DDX19A: variants seen among roughly 807,000 people sequenced by gnomAD.
DDX19A encodes ATP-dependent RNA helicase DDX19A.
Under a neutral mutation model 60.6 loss-of-function variants are expected in DDX19A, and 12 were observed. The observed-to-expected ratio is 0.20, with a 90% CI of 0.13 to 0.32. DDX19A has a LOEUF of 0.32. Ranked by LOEUF, DDX19A falls within the 10% of genes least tolerant of loss-of-function variation. The probability of loss-of-function intolerance (pLI) is 1.00; values close to 1 mark genes in which losing one functional copy is unlikely to be tolerated. For missense variants in DDX19A, 337 were observed against 600.6 expected (o/e 0.56, Z 4.59); for synonymous variants, 206 against 218.2 (o/e 0.94, Z 0.49).
chr16:70,360,458 C>T (rs1418372474), intron 4 of DDX19A, among the ~76,000 whole-genome samples: 1 of 151,814 alleles, frequency 6.6e-6, no homozygotes, highest in African/African-American at 2.4e-5. Flanking sequence ...GTAGCTAGGA[C>T]TACAGGTGCA....
chr16:70,370,949 C>T (rs113376908), intron 10 of DDX19A: 15 of 260,662 alleles, frequency 5.8e-5, no homozygotes, highest in African/African-American at 2.5e-4. Flanking sequence ...TGAGTGAGAT[C>T]GCGCCATTGC....
intron 9 of DDX19A, among the ~76,000 whole-genome samples, chr16:70,369,467 C>T (rs761575764): frequency 7.2e-5 from 11 of 151,978 alleles, no homozygotes; most frequent in South Asian, 2.1e-4. Flanking sequence ...CATGAGCCAC[C>T]GCGCCTGGCC....
chr16:70,357,611 C>G (rs545488350), intron 4 of DDX19A, among the ~76,000 whole-genome samples: 3 of 151,800 alleles, frequency 2.0e-5, no homozygotes, highest in Admixed American at 2.0e-4. Flanking sequence ...GTCTCGAATT[C>G]CTGATCTCAT....
At chr16:70,348,911 A>C (rs1963932488) in intron 1 of DDX19A, among the ~76,000 whole-genome samples, 1 of 152,082 alleles carries the variant, frequency 6.6e-6, no homozygotes, top group Non-Finnish European at 1.5e-5. Context: ...ACACCACTGC[A>C]CTCCAGCATG....
intron 2 of DDX19A, among the ~76,000 whole-genome samples, chr16:70,352,133 A>G (rs1411432668): frequency 6.6e-6 from 1 of 152,100 alleles, no homozygotes; most frequent in East Asian, 1.9e-4. Context: ...TATTCTTCCA[A>G]AGACTTTATG....
chr16:70,349,851 C>T (rs1963959961), intron 1 of DDX19A, among the ~76,000 whole-genome samples: 1 of 152,174 alleles, frequency 6.6e-6, no homozygotes, highest in African/African-American at 2.4e-5. Flanking sequence ...AAGCATCCAG[C>T]TTATCAGAAG....
chr16:70,356,087 A>C, intron 3 of DDX19A, 25 bp from the exon 4 acceptor site: 1 of 1,612,756 alleles, frequency 6.2e-7, no homozygotes, highest in Non-Finnish European at 8.5e-7. Context: ...ATGAGTATGA[A>C]GATCTACTGG....
In DDX19A at chr16:70,369,173, GTTTTTTT is replaced by G. The variant is rs560443179; in HGVS notation, c.1021-1031_1021-1025del. ...TGAACCACCGTGCCCGGCCAATCTG[GTTTTTTT>G]TTTTTTTTTTTTTTTTTTGAAACGG... is the stretch of plus-strand genomic sequence containing the variant. On this transcript the variant is annotated intron_variant, in intron 9 of 11. Transcript: ENST00000302243. 8.0e-3 allele frequency among the ~76,000 whole-genome samples: 769 copies of G among 96,316 alleles called. 3 individuals carry two copies. The highest frequency in any genetic ancestry group is 0.012 in the Non-Finnish European group (603 of 50,696). The allele number at this position is 96,316 out of a possible 152,430, so 63.2% of individuals were successfully genotyped here.
intron 10 of DDX19A, chr16:70,370,742 T>G: frequency 5.0e-6 from 1 of 201,082 alleles, no homozygotes; most frequent in Non-Finnish European, 1.0e-5. Context: ...ACGCCTGTAA[T>G]CCCAGCACTT....
In DDX19A at chr16:70,346,910, C is replaced by T; in HGVS notation, c.-82C>T. The T allele has an allele frequency of 7.0e-7, 1 of 1,421,156 alleles. No individual in the cohort carries two copies. The highest frequency in any genetic ancestry group is 9.7e-7 in the Non-Finnish European group (1 of 1,032,926). The allele number at this position is 1,421,156 out of a possible 1,614,324, so 88.0% of individuals were successfully genotyped here. A position where few individuals can be genotyped will look rare whatever the true frequency, so the allele number is the denominator to read the frequency against. ...TTCCGGTCCGCGTGAGGTGCATTCT[C>T]GCGCCGGTGGCGAGGTTAGGGCCCG... On this transcript the variant is annotated 5_prime_UTR_variant, in exon 1 of 12. Transcript: ENST00000302243.
chr16:70,348,487 G>T (rs1415183626), intron 1 of DDX19A, among the ~76,000 whole-genome samples: 1 of 151,930 alleles, frequency 6.6e-6, no homozygotes, highest in African/African-American at 2.4e-5. Flanking sequence ...TTAGCCAGGC[G>T]TGGTAGTCGT....
At chr16:70,352,421 A>T (rs545713753) in intron 2 of DDX19A, among the ~76,000 whole-genome samples, 27 of 150,574 alleles carry the variant, frequency 1.8e-4, no homozygotes, top group Admixed American at 1.7e-3. Context: ...AATAGCTGGG[A>T]TTACAGGTGT....
chr16:70,370,058 G>A (rs749800407), intron 9 of DDX19A, among the ~76,000 whole-genome samples, 165 bp from the exon 10 acceptor site: 16 of 152,126 alleles, frequency 1.1e-4, no homozygotes, highest in Non-Finnish European at 2.1e-4. Context: ...TCAGCTGAGC[G>A]TGGTGCCTCA....
chr16:70,364,724 G>C, intron 6 of DDX19A, 79 bp downstream of exon 6: 1 of 1,092,804 alleles, frequency 9.2e-7, no homozygotes, highest in East Asian at 2.4e-5. Context: ...GTAACGAGAG[G>C]TCTGAAGCTT....
rs544674751 is a variant in DDX19A, at chr16:70,351,580, A to G, written c.106+975A>G. Among the ~76,000 whole-genome samples the G allele has an allele frequency of 9.5e-4, 145 of 151,852 alleles. 3 individuals are homozygous for G. In the South Asian group the frequency reaches 0.029, roughly 30 times the overall value. On this transcript the variant is annotated intron_variant, in intron 2 of 11. Transcript: ENST00000302243. ...CACTCTGCCACGCAGGCCGGAGTGC[A>G]GTGGTGTGATCTCGGCTTACTGCAA...
chr16:70,358,642 G>A (rs71401805), intron 4 of DDX19A, among the ~76,000 whole-genome samples: 8 of 152,026 alleles, frequency 5.3e-5, no homozygotes, highest in Non-Finnish European at 8.8e-5. Flanking sequence ...TCAGGAGTTC[G>A]AGACCAGACT....
chr16:70,361,538 C>T (rs573206307), intron 5 of DDX19A, 28 bp downstream of exon 5: 2 of 1,561,622 alleles, frequency 1.3e-6, no homozygotes, highest in Non-Finnish European at 1.8e-6. Context: ...GCGCATCTCA[C>T]CCAGTGTGAT....
At position 70,369,764 on chromosome 16, in the gene DDX19A, C is replaced by G. The variant is rs373566460; in HGVS notation, c.1021-459C>G. Among the ~76,000 whole-genome samples, 208 of 151,710 alleles carry G rather than the reference C, an allele frequency of 1.4e-3. 2 individuals are homozygous for G. Among genetic ancestry groups the G allele is most frequent in the African/African-American group, 4.9e-3 (201 of 41,384 alleles). ...CCTCAAGTAGCTGGGACTTACAGGC[C>G]TACACCACCATGCCTAGCTAAATTT... On this transcript the variant is annotated intron_variant, in intron 9 of 11. Transcript: ENST00000302243.
At chr16:70,357,456 C>T (rs1964247981) in intron 4 of DDX19A, among the ~76,000 whole-genome samples, 1 of 127,858 alleles carries the variant, frequency 7.8e-6, no homozygotes, top group Non-Finnish European at 1.6e-5. Context: ...GTGATCTCAG[C>T]TCACCACAAC....
Sources: allele counts gnomAD v4.1 joint callset (sites outside exome capture counted in the v4.1 genomes callset), GRCh38; gene constraint gnomAD v4.1.1; transcripts MANE v1.5; gene names NCBI Gene and HGNC (gene_info 2026-07-23, HGNC 2026-07-21).